Variants in ANO2 observed in about 807,000 individuals in gnomAD.
The protein encoded by ANO2 is anoctamin-2.
A neutral mutation model predicts 124.2 loss-of-function variants in ANO2; 101 were observed. That is an observed-to-expected ratio of 0.81 (90% CI 0.69 to 0.96). The LOEUF is 0.96. ANO2 is among the 40% of genes least tolerant of loss of function. The pLI is 0.00. For missense variants in ANO2, 1,293 were observed against 1,274.5 expected (o/e 1.01, Z -0.22); for synonymous variants, 486 against 482.5 (o/e 1.01, Z -0.09).
intron 14 of ANO2, among the ~76,000 whole-genome samples, chr12:5,705,236 T>C (rs536059406): frequency 6.6e-6 from 1 of 151,836 alleles, no homozygotes; most frequent in South Asian, 2.1e-4. Flanking sequence ...ATTACAAACC[T>C]AATAGAGAGC....
intron 10 of ANO2, among the ~76,000 whole-genome samples, chr12:5,764,409 G>A (rs1951821151): frequency 6.6e-6 from 1 of 152,190 alleles, no homozygotes; most frequent in African/African-American, 2.4e-5. Context: ...CTACAAGGTA[G>A]TATGCTATTA....
Position 5,815,530 on chromosome 12 carries a change from T to C in ANO2, c.893-8162A>G, listed in dbSNP as rs181607915. Among the ~76,000 whole-genome samples the C allele has an allele frequency of 8.1e-4, 123 of 152,284 alleles. 1 individual carries two copies. Among genetic ancestry groups the C allele is most frequent in the Non-Finnish European group, 7.4e-5 (5 of 68,022 alleles). ...AGAATATATGTAGACATGTTCTACA[T>C]AAGCAAGCAGGAAATTGTGTGATAG... On this transcript the variant is annotated intron_variant, in intron 7 of 24. Coordinates refer to ENST00000682330, the MANE Select transcript of ANO2 (RefSeq NM_001364791.2).
In ANO2 at chr12:5,837,255, C is replaced by A. The variant is rs116998950; in HGVS notation, c.634-4652G>T. Among the ~76,000 whole-genome samples, 119 of 132,348 alleles carry A rather than the reference C, an allele frequency of 9.0e-4. 1 individual carries two copies. The East Asian group carries it at 0.027, about 30-fold the overall frequency. The allele number at this position is 132,348 out of a possible 152,430, so 86.8% of individuals were successfully genotyped here. On this transcript the variant is annotated intron_variant, in intron 4 of 24. Transcript: ENST00000682330. The stretch of plus-strand genomic sequence containing the variant: ...CACGGGGCCAGGAGTGCAGCACCCA[C>A]GGGGCCAGGAATGCCTGCATTTAGT...
At chr12:5,579,413 GGCATGCA>G (rs1417325922) in intron 20 of ANO2, among the ~76,000 whole-genome samples, 7 of 152,136 alleles carry the variant, frequency 4.6e-5, no homozygotes, top group Admixed American at 6.5e-5. Context: ...TGGAAAGATG[GGCATGCA>G]GTTTTCTTGA....
intron 20 of ANO2, among the ~76,000 whole-genome samples, chr12:5,587,337 C>T (rs1399041904): frequency 6.6e-6 from 1 of 152,154 alleles, no homozygotes; most frequent in South Asian, 2.1e-4. Flanking sequence ...TAAAACTTTA[C>T]CAAGAGATTT....
chr12:5,839,137 C>T (rs1239740615), intron 4 of ANO2, among the ~76,000 whole-genome samples: 1 of 152,174 alleles, frequency 6.6e-6, no homozygotes, highest in Non-Finnish European at 1.5e-5. Flanking sequence ...CCCTGTGAGT[C>T]CAGCTCGCTG....
In ANO2 at chr12:5,635,628, C is replaced by CACACACAA. The variant is rs3223418; in HGVS notation, c.1621-282_1621-281insTTGTGTGT. 8.6e-5 allele frequency among the ~76,000 whole-genome samples: 13 copies of CACACACAA among 151,510 alleles called. No homozygotes were observed. Among genetic ancestry groups the CACACACAA allele is most frequent in the African/African-American group, 2.7e-4 (11 of 41,198 alleles). On this transcript the variant is annotated intron_variant, in intron 15 of 24. Transcript: ENST00000682330. The surrounding 1 kb of genome is among the most constrained non-coding windows in gnomAD (Gnocchi z 5.2). ...ACACACACACACACACACACACACA[C>CACACACAA]AATAAGGATGAACATGCTGGACCCT...
At chr12:5,693,615 G>A (rs947382086) in intron 14 of ANO2, among the ~76,000 whole-genome samples, 8 of 152,080 alleles carry the variant, frequency 5.3e-5, no homozygotes, top group African/African-American at 1.9e-4. Context: ...CATCTCATTC[G>A]GAGTCAATCC....
intron 3 of ANO2, among the ~76,000 whole-genome samples, chr12:5,860,348 T>A (rs1017330069): frequency 6.6e-6 from 1 of 152,158 alleles, no homozygotes; most frequent in Non-Finnish European, 1.5e-5. Flanking sequence ...TCACTAAGCA[T>A]CTCATACCCT....
intron 1 of ANO2, among the ~76,000 whole-genome samples, chr12:5,923,111 CAT>C (rs1353408771): frequency 7.7e-5 from 5 of 64,532 alleles, no homozygotes; most frequent in South Asian, 6.0e-4. Context: ...CATACACACA[CAT>C]GCACGCACAC....
At chr12:5,907,820 T>C (rs1940797718) in intron 3 of ANO2, among the ~76,000 whole-genome samples, 1 of 152,220 alleles carries the variant, frequency 6.6e-6, no homozygotes, top group South Asian at 2.1e-4. Context: ...TCAGTGAACC[T>C]GGCCCTTCAC....
chr12:5,848,990 T>A (rs150385824), intron 4 of ANO2, among the ~76,000 whole-genome samples: 1 of 152,202 alleles, frequency 6.6e-6, no homozygotes, highest in African/African-American at 2.4e-5. Flanking sequence ...CTCCACAATG[T>A]GTATTACTCC....
rs1332950742 is a variant in ANO2, at chr12:5,862,452, C to T, written c.535-8311G>A. On this transcript the variant is annotated intron_variant, in intron 3 of 24. Transcript: ENST00000682330. The surrounding 1 kb of genome is among the most constrained non-coding windows in gnomAD (Gnocchi z 4.0). The stretch of plus-strand genomic sequence containing the variant: ...TGCCAACCTGGACAGACACGCAGAA[C>T]GGGTGATCTCTGGACCTATCACCAC... Among the ~76,000 whole-genome samples, 2 of 152,202 alleles carry T rather than the reference C, an allele frequency of 1.3e-5. No homozygotes were observed. Among genetic ancestry groups the T allele is most frequent in the Non-Finnish European group, 1.5e-5 (1 of 68,042 alleles).
At chr12:5,665,870 C>G (rs889137788) in intron 14 of ANO2, among the ~76,000 whole-genome samples, 18 of 152,138 alleles carry the variant, frequency 1.2e-4, no homozygotes, top group African/African-American at 4.3e-4. Context: ...AGCCACCCCC[C>G]TGTGCCACTG....
chr12:5,567,909 C>T (rs1446058502), intron 23 of ANO2, among the ~76,000 whole-genome samples: 2 of 152,184 alleles, frequency 1.3e-5, no homozygotes, highest in East Asian at 3.8e-4. Context: ...TGATGGTAAG[C>T]CATGCCACAG....
intron 16 of ANO2, among the ~76,000 whole-genome samples, chr12:5,624,258 G>GAGAA (rs370391605): frequency 0.014 from 2,054 of 152,086 alleles, 55 homozygotes; most frequent in African/African-American, 0.044. Flanking sequence ...GAGAGAGAGA[G>GAGAA]AGAAACAGAC....
At chr12:5,737,891 C>T (rs1264463089) in intron 13 of ANO2, among the ~76,000 whole-genome samples, 1 of 152,152 alleles carries the variant, frequency 6.6e-6, no homozygotes, top group Admixed American at 6.5e-5. Context: ...TCTCTGAAGG[C>T]AGAATGCATA....
At chr12:5,686,197 C>A (rs1948700430) in intron 14 of ANO2, among the ~76,000 whole-genome samples, 2 of 152,188 alleles carry the variant, frequency 1.3e-5, no homozygotes, top group Non-Finnish European at 2.9e-5. Flanking sequence ...ACCCCCACAA[C>A]ATGAAAAGCA....
At position 5,864,722 on chromosome 12, in the gene ANO2, A is replaced by T. The variant is rs139708996; in HGVS notation, c.535-10581T>A. On this transcript the variant is annotated intron_variant, in intron 3 of 24. Coordinates refer to ENST00000682330, the MANE Select transcript of ANO2 (RefSeq NM_001364791.2). ...GGCTGGCCTGGAACAGTCTCTGTTT[A>T]TTCCCCTTGCCTCATCATCCCATCA... 2.6e-3 allele frequency among the ~76,000 whole-genome samples: 396 copies of T among 152,288 alleles called. 3 individuals are homozygous for T. The highest frequency in any genetic ancestry group is 2.3e-3 in the South Asian group (11 of 4,820).
Sources: allele counts gnomAD v4.1 joint callset (sites outside exome capture counted in the v4.1 genomes callset), GRCh38; gene constraint gnomAD v4.1.1; non-coding constraint Gnocchi (gnomAD v3.1); transcripts MANE v1.5; gene names NCBI Gene and HGNC (gene_info 2026-07-23, HGNC 2026-07-21).